EGLN3: variants seen among roughly 807,000 people sequenced by gnomAD.
EGLN3 encodes the protein egl-9 family hypoxia inducible factor 3, also known as prolyl hydroxylase EGLN3.
A neutral mutation model predicts 26.0 loss-of-function variants in EGLN3; 15 were observed. The ratio of observed to expected loss-of-function variants is 0.58; its 90% CI spans 0.39 to 0.89. The LOEUF is 0.89. Among genes scored for constraint, EGLN3 ranks in the 40% least tolerant of loss-of-function variants. The pLI is 0.00. For missense variants in EGLN3, 238 were observed against 311.6 expected, an observed-to-expected ratio of 0.76 and a Z score of 1.78; for synonymous variants, 147 against 127.2, an observed-to-expected ratio of 1.16 and a Z score of -1.05.
intron 1 of EGLN3, among the ~76,000 whole-genome samples, chr14:33,946,126 G>A (rs539288329): frequency 1.3e-5 from 2 of 152,266 alleles, no homozygotes; most frequent in South Asian, 4.1e-4. Context: ...TGTAATCCCA[G>A]CACTTTGGGA....
At position 33,932,242 on chromosome 14, in the gene EGLN3, G is replaced by A. The variant is rs188509829; in HGVS notation, c.358-1027C>T. Among the ~76,000 whole-genome samples the A allele has an allele frequency of 3.0e-3, 459 of 152,250 alleles. 5 individuals carry two copies. The highest frequency in any genetic ancestry group is 1.5e-3 in the South Asian group (7 of 4,822). The stretch of plus-strand genomic sequence containing the variant: ...GGACAGTGCCTGACATACAGAAGGT[G>A]TCCATCTAAAATGTGATAAATAAAT... On this transcript the variant is annotated intron_variant, in intron 1 of 4. Coordinates refer to ENST00000250457, the MANE Select transcript of EGLN3 (RefSeq NM_022073.4).
At chr14:33,936,653 T>C (rs944394278) in intron 1 of EGLN3, among the ~76,000 whole-genome samples, 4 of 151,906 alleles carry the variant, frequency 2.6e-5, no homozygotes, top group Non-Finnish European at 5.9e-5. Flanking sequence ...AAAGGCACTA[T>C]ATGTGCTAGC....
chr14:33,948,958 A>G (rs1328472744), intron 1 of EGLN3: 1 of 152,218 alleles, frequency 6.6e-6, no homozygotes, highest in Non-Finnish European at 1.5e-5. Flanking sequence ...AAATCAAACT[A>G]GTCAAAGACG....
chr14:33,931,684 C>A (rs2064404850), intron 1 of EGLN3, among the ~76,000 whole-genome samples: 1 of 152,168 alleles, frequency 6.6e-6, no homozygotes, highest in Non-Finnish European at 1.5e-5. Context: ...TTTGCATACA[C>A]AAAGTGACAG....
intron 4 of EGLN3, 63 bp downstream of exon 4, chr14:33,926,896 TA>T (rs1566596180): frequency 4.0e-6 from 5 of 1,260,176 alleles, no homozygotes; most frequent in Non-Finnish European, 5.6e-6. Flanking sequence ...TAAAACTACA[TA>T]AAATTGAATA....
chr14:33,945,995 C>T (rs927619758), intron 1 of EGLN3, among the ~76,000 whole-genome samples: 12 of 152,198 alleles, frequency 7.9e-5, no homozygotes, highest in Non-Finnish European at 1.8e-4. Flanking sequence ...GGTCTGTTCA[C>T]AATGCAGTCC....
At chr14:33,947,708 A>G (rs1032214255) in intron 1 of EGLN3, among the ~76,000 whole-genome samples, 15 of 152,214 alleles carry the variant, frequency 9.9e-5, no homozygotes, top group Admixed American at 1.3e-4. Context: ...TCATTATATT[A>G]GCCTCTTATG....
In EGLN3 at chr14:33,941,336, T is replaced by C. The variant is rs371159050; in HGVS notation, c.357+9060A>G. 1.2e-3 allele frequency among the ~76,000 whole-genome samples: 179 copies of C among 152,042 alleles called. 2 individuals carry two copies. The highest frequency in any genetic ancestry group is 6.8e-3 in the Middle Eastern group (2 of 292). On this transcript the variant is annotated intron_variant, in intron 1 of 4. Coordinates refer to ENST00000250457, the MANE Select transcript of EGLN3 (RefSeq NM_022073.4). ...GGCCCTGGCGTCTCTGAGCCAGACC[T>C]GTAGGTATGAGCTGCCAGGATCCAG...
At chr14:33,926,568 G>A (rs1183447271) in intron 4 of EGLN3, among the ~76,000 whole-genome samples, 6 of 152,156 alleles carry the variant, frequency 3.9e-5, no homozygotes, top group African/African-American at 1.2e-4. Context: ...GAGCCCTGCT[G>A]TTATACTGAG....
chr14:33,931,458 T>C (rs936802728), intron 1 of EGLN3: 2 of 478,834 alleles, frequency 4.2e-6, no homozygotes, highest in African/African-American at 3.9e-5. Context: ...TTCTAGAACA[T>C]TTTACACAGT....
At position 33,935,586 on chromosome 14, in the gene EGLN3, T is replaced by TACAC. The variant is rs34931469; in HGVS notation, c.358-4375_358-4372dup. On this transcript the variant is annotated intron_variant, in intron 1 of 4. Transcript: ENST00000250457. The stretch of plus-strand genomic sequence containing the variant: ...TTTTTTAATCAGGGCTATAAATAAA[T>TACAC]ACACACACACACACACACACACACA... 1.7e-3 allele frequency among the ~76,000 whole-genome samples: 244 copies of TACAC among 146,896 alleles called. 2 individuals are homozygous for TACAC. The highest frequency in any genetic ancestry group is 0.014 in the Middle Eastern group (4 of 288).
chr14:33,950,251 A>G, intron 1 of EGLN3, 145 bp downstream of exon 1: 1 of 763,646 alleles, frequency 1.3e-6, no homozygotes, highest in East Asian at 2.6e-5. Flanking sequence ...GGGTGGGGGG[A>G]AGCAGCGAGT....
In EGLN3 at chr14:33,950,961, G is replaced by A. The variant is rs1475747505; in HGVS notation, c.-209C>T. ...GATCTGCCTTCGGGAACCAGCGGGA[G>A]TGGTGCGGAGCTCCACGACCCGTTT... On this transcript the variant is annotated 5_prime_UTR_variant, in exon 1 of 5. Transcript: ENST00000250457. 3.3e-6 allele frequency: 2 copies of A among 598,636 alleles called. No homozygotes were observed. The highest frequency in any genetic ancestry group is 2.8e-5 in the East Asian group (1 of 35,796). 37.1% of individuals were successfully genotyped at this position (598,636 alleles called of 1,614,324 possible).
At chr14:33,943,425 G>A (rs893130416) in intron 1 of EGLN3, among the ~76,000 whole-genome samples, 12 of 152,186 alleles carry the variant, frequency 7.9e-5, no homozygotes, top group African/African-American at 2.9e-4. Context: ...CTAGAGAAAA[G>A]CGACACCCGT....
rs772434319 is a variant in EGLN3 at position 33,925,785 on chromosome 14, A to G, written c.*106T>C. The G allele has an allele frequency of 6.6e-5, 84 of 1,282,318 alleles. No individual in the cohort carries two copies. Among genetic ancestry groups the G allele is most frequent in the Non-Finnish European group, 9.0e-5 (80 of 885,194 alleles). The allele number at this position is 1,282,318 out of a possible 1,614,324, so 79.4% of individuals were successfully genotyped here. Reference sequence around the variant, plus strand: ...GGATGTGAAGGATGCAAGAAGTAGCAGGGAGATTGTTGTCACTGAAGAGGC... The same window carrying G: ...GGATGTGAAGGATGCAAGAAGTAGCGGGGAGATTGTTGTCACTGAAGAGGC... On this transcript the variant is annotated 3_prime_UTR_variant, in exon 5 of 5. Transcript: ENST00000250457.
intron 2 of EGLN3, among the ~76,000 whole-genome samples, chr14:33,929,604 G>T (rs1260813533): frequency 6.6e-6 from 1 of 152,094 alleles, no homozygotes; most frequent in Non-Finnish European, 1.5e-5. Context: ...CGCCCACTAG[G>T]GCCTCCTGAA....
chr14:33,947,347 A>G (rs1257219363), intron 1 of EGLN3, among the ~76,000 whole-genome samples: 1 of 152,198 alleles, frequency 6.6e-6, no homozygotes, highest in Non-Finnish European at 1.5e-5. Flanking sequence ...GGGGTCTTCA[A>G]CACCCTTGGA....
chr14:33,947,687 G>A (rs2064527379), intron 1 of EGLN3, among the ~76,000 whole-genome samples: 1 of 152,126 alleles, frequency 6.6e-6, no homozygotes, highest in Non-Finnish European at 1.5e-5. Flanking sequence ...TTGAAATTGG[G>A]TGATGGGAGC....
chr14:33,950,553 C>T lies in EGLN3; in HGVS notation c.200G>A (p.Gly67Asp). ...GCCCCGCAGGTGTCGCTTGGAGACG[C>T]CGGCGCGCGGCCCCGCCAGCTGGCC... ...RDGQLAGPRA[G>D]VSKRHLRGDQ... Residue 67 changes from glycine (G) to aspartate (D), a missense_variant, in exon 1 of 5, where the codon GGC becomes GAC. Transcript: ENST00000250457. The T allele has an allele frequency of 1.2e-6, 2 of 1,612,146 alleles. No individual in the cohort carries two copies. Among genetic ancestry groups the T allele is most frequent in the Non-Finnish European group, 1.7e-6 (2 of 1,179,118 alleles).
Sources: gnomAD v4.1 joint callset for allele counts (sites outside exome capture counted in the v4.1 genomes callset) on GRCh38, gnomAD v4.1.1 for gene constraint, MANE v1.5 for transcripts, NCBI Gene and HGNC (gene_info 2026-07-23, HGNC 2026-07-21) for gene names.